Variants in CABIN1 observed in about 807,000 individuals in gnomAD.
The protein encoded by CABIN1 is calcineurin binding protein 1, also known as calcineurin-binding protein cabin-1.
CABIN1 carries 133 observed loss-of-function variants against 227.7 expected under a neutral mutation model. The observed-to-expected ratio is 0.58, with a 90% CI of 0.51 to 0.67. The LOEUF is 0.67. Among genes scored for constraint, CABIN1 ranks in the 30% least tolerant of loss-of-function variants. The probability of loss-of-function intolerance (pLI) is 0.00; values close to 1 mark genes in which losing one functional copy is unlikely to be tolerated. For synonymous variants in CABIN1, 1,086 were observed against 1,155.1 expected (o/e 0.94, Z 1.21); for missense variants, 2,408 against 2,852.5 (o/e 0.84, Z 3.55).
At chr22:24,103,128 C>T (rs1675148686) in intron 26 of CABIN1, 1 of 152,338 alleles carries the variant, frequency 6.6e-6, no homozygotes, top group Admixed American at 6.6e-5. Context: ...CCTGCTACCC[C>T]TGTGACCAGG....
rs1351404898 is a variant in CABIN1 at position 24,062,044 on chromosome 22, T to C, written c.1696+19T>C. ...TCTGCAGGTAGGAGGCATTATGTGTTCTGTGGCCAGGCTAATATCTGAACC... is the reference window on the plus strand; with the variant it reads ...TCTGCAGGTAGGAGGCATTATGTGTCCTGTGGCCAGGCTAATATCTGAACC... On this transcript the variant is annotated intron_variant, in intron 13 of 36. Coordinates refer to ENST00000263119, the MANE Select transcript of CABIN1 (RefSeq NM_012295.4). 6.2e-7 allele frequency: 1 copy of C among 1,603,384 alleles called. No individual in the cohort carries two copies. The highest frequency in any genetic ancestry group is 8.5e-7 in the Non-Finnish European group (1 of 1,171,004).
chr22:24,019,304 G>T (rs1309224482), intron 1 of CABIN1, among the ~76,000 whole-genome samples: 2 of 149,694 alleles, frequency 1.3e-5, no homozygotes, highest in Non-Finnish European at 3.0e-5. Context: ...CTGATTTTTT[G>T]TATTTTTGGT....
chr22:24,069,848 A>G (rs1425401244), intron 16 of CABIN1, among the ~76,000 whole-genome samples: 1 of 152,154 alleles, frequency 6.6e-6, no homozygotes, highest in Non-Finnish European at 1.5e-5. Flanking sequence ...GTCTCACCTC[A>G]GAGAGTGGCA....
At chr22:24,125,389 C>T (rs1325484285) in intron 28 of CABIN1, among the ~76,000 whole-genome samples, 1 of 152,222 alleles carries the variant, frequency 6.6e-6, no homozygotes, top group Non-Finnish European at 1.5e-5. Context: ...TACAGTATCC[C>T]CACCTGCCTG....
chr22:24,155,965 C>T (rs2045763882), intron 29 of CABIN1: 2 of 525,156 alleles, frequency 3.8e-6, no homozygotes. Context: ...CCCGTCCGGC[C>T]GCGCCTGCCC....
At chr22:24,041,098 T>C in intron 4 of CABIN1, 41 bp from the exon 5 acceptor site, 1 of 1,613,928 alleles carries the variant, frequency 6.2e-7, no homozygotes, top group Non-Finnish European at 8.5e-7. Context: ...TTGCTGAGGC[T>C]TCAAGGTCTA....
chr22:24,104,644 A>T (rs2042410407), intron 26 of CABIN1, among the ~76,000 whole-genome samples: 1 of 152,000 alleles, frequency 6.6e-6, no homozygotes. Context: ...TTCTGGTACC[A>T]CTTTTCTTTG....
rs1446889543 is a variant in CABIN1, at chr22:24,124,058, ACAG to A, written c.4632+4364_4632+4366del. 2.6e-5 allele frequency among the ~76,000 whole-genome samples: 4 copies of A among 152,362 alleles called. No individual in the cohort carries two copies. In the East Asian group the frequency reaches 7.7e-4, roughly 29 times the overall value. The stretch of plus-strand genomic sequence containing the variant: ...CAGTGTGCCACTTGCTTAGTTGCTG[ACAG>A]CAGGGCTTTTGGGGGAGGAGGAGAG... On this transcript the variant is annotated intron_variant, in intron 28 of 36. Coordinates refer to ENST00000263119, the MANE Select transcript of CABIN1 (RefSeq NM_012295.4).
In CABIN1 at chr22:24,165,557, G is replaced by C. The variant is rs1479114451; in HGVS notation, c.4938G>C (p.Gln1646His). The stretch of plus-strand genomic sequence containing the variant: ...AGTATCTGCGAGATGCTGACCGCCA[G>C]GTCCTGGCGCAGCGGGCCTTCATCC... ...GKKYLRDADR[Q>H]VLAQRAFILT... Residue 1646 changes from glutamine (Q) to histidine (H), a missense_variant, in exon 31 of 37, where the codon CAG becomes CAC. Transcript: ENST00000263119. The C allele has an allele frequency of 6.2e-7, 1 of 1,613,114 alleles. No individual in the cohort carries two copies. The highest frequency in any genetic ancestry group is 1.3e-5 in the African/African-American group (1 of 74,942).
At chr22:24,117,196 ATTGTTG>A (rs895591457) in intron 27 of CABIN1, among the ~76,000 whole-genome samples, 18 of 151,706 alleles carry the variant, frequency 1.2e-4, no homozygotes, top group Non-Finnish European at 1.5e-5. Context: ...TAGGCAACTG[ATTGTTG>A]TTGTTGTTGT....
At chr22:24,037,644 TATC>T (rs1387891217) in intron 3 of CABIN1, among the ~76,000 whole-genome samples, 1 of 152,172 alleles carries the variant, frequency 6.6e-6, no homozygotes, top group Non-Finnish European at 1.5e-5. Context: ...ACCCTTCTGA[TATC>T]ATATGTTTGG....
chr22:24,136,739 GCACACACACACA>G (rs200091743), intron 29 of CABIN1, among the ~76,000 whole-genome samples: 12 of 139,722 alleles, frequency 8.6e-5, no homozygotes, highest in African/African-American at 2.9e-4. Flanking sequence ...ACACACACAC[GCACACACACACA>G]CACACACACA....
rs370322750 is a variant in CABIN1 at position 24,064,017 on chromosome 22, T to A, written c.1885-18T>A. Reference sequence around the variant, plus strand: ...AGTCTTCTGCTTTGGTTCCCTGACCTGTTTTCCGTCTAACCAGGGAGACAT... The same window carrying A: ...AGTCTTCTGCTTTGGTTCCCTGACCAGTTTTCCGTCTAACCAGGGAGACAT... On this transcript the variant is annotated intron_variant, in intron 14 of 36. Transcript: ENST00000263119. The A allele has an allele frequency of 2.5e-6, 4 of 1,613,928 alleles. No individual in the cohort carries two copies. In the African/African-American group the frequency reaches 4.0e-5, roughly 16 times the overall value.
At chr22:24,012,367 G>A (rs2034883875) in intron 1 of CABIN1, among the ~76,000 whole-genome samples, 1 of 151,848 alleles carries the variant, frequency 6.6e-6, no homozygotes, top group African/African-American at 2.4e-5. Flanking sequence ...TTCTTTGCTC[G>A]TGGGCTGTAC....
intron 16 of CABIN1, 92 bp from the exon 17 acceptor site, chr22:24,070,708 T>C (rs2040021196): frequency 4.4e-6 from 7 of 1,579,122 alleles, no homozygotes; most frequent in Non-Finnish European, 6.1e-6. Flanking sequence ...TTGCTGCCCC[T>C]CATCTGTTTT....
At chr22:24,066,872 A>T in intron 15 of CABIN1, 115 bp from the exon 16 acceptor site, 1 of 971,800 alleles carries the variant, frequency 1.0e-6, no homozygotes, top group Non-Finnish European at 1.6e-6. Context: ...GGGCTGGAAC[A>T]TAGTCTAATT....
intron 29 of CABIN1, among the ~76,000 whole-genome samples, chr22:24,143,633 C>T (rs1305424149): frequency 1.3e-5 from 2 of 152,176 alleles, no homozygotes; most frequent in Admixed American, 6.5e-5. Flanking sequence ...TGTTGGGGGC[C>T]TGGCAGAGAG....
chr22:24,146,558 G>A (rs2148410323), intron 29 of CABIN1, among the ~76,000 whole-genome samples: 1 of 152,340 alleles, frequency 6.6e-6, no homozygotes, highest in South Asian at 2.1e-4. Flanking sequence ...AGGTCAGTAG[G>A]AGGAAGTACA....
At chr22:24,147,023 A>AT (rs2045161839) in intron 29 of CABIN1, among the ~76,000 whole-genome samples, 1 of 151,988 alleles carries the variant, frequency 6.6e-6, no homozygotes, top group African/African-American at 2.4e-5. Context: ...AGCAGCTGCT[A>AT]TTTTTTCCCT....
Sources: gnomAD v4.1 joint callset for allele counts (sites outside exome capture counted in the v4.1 genomes callset) on GRCh38, gnomAD v4.1.1 for gene constraint, MANE v1.5 for transcripts, NCBI Gene and HGNC (gene_info 2026-07-23, HGNC 2026-07-21) for gene names.